Variants in TM9SF2 observed in about 807,000 individuals in gnomAD.
The protein encoded by TM9SF2 is transmembrane 9 superfamily member 2.
In TM9SF2, 13 loss-of-function variants were observed where a neutral mutation model predicts 84.9. The observed-to-expected ratio is 0.15, with a 90% CI of 0.10 to 0.24. TM9SF2 has a LOEUF of 0.24. TM9SF2 is among the 10% of genes least tolerant of loss of function. TM9SF2 has a pLI of 1.00. For missense variants in TM9SF2, 562 were observed against 818.5 expected (o/e 0.69, Z 3.82); for synonymous variants, 273 against 285.8 (o/e 0.96, Z 0.45).
intron 15 of TM9SF2, among the ~76,000 whole-genome samples, chr13:99,557,656 G>A (rs2046329796): frequency 2.0e-5 from 3 of 152,184 alleles, no homozygotes; most frequent in Middle Eastern, 3.4e-3. Flanking sequence ...AGGCTGAGGC[G>A]GGAGGATCGC....
rs1209335271 is a variant in TM9SF2 at position 99,501,680 on chromosome 13, G to A, written c.74G>A (p.Gly25Glu). Residue 25 changes from glycine (G) to glutamate (E), a missense_variant, in exon 1 of 17, where the codon GGG (glycine) becomes GAG (glutamate). Physicochemically the swap from Gly to Glu is moderately conservative, Grantham distance 98 (BLOSUM62 -2). This residue lies in a region of TM9SF2 where 267 missense variants were observed against 316.7 expected (regional missense o/e 0.84). Coordinates refer to ENST00000376387, the MANE Select transcript of TM9SF2 (RefSeq NM_004800.3). ...TTGCTGCTGTCGCTGCTCCTGCTGGGGGCGGTTCCTGGCCCGCGCCGGAGC... is the reference window on the plus strand; with the variant it reads ...TTGCTGCTGTCGCTGCTCCTGCTGGAGGCGGTTCCTGGCCCGCGCCGGAGC... ...RLLLLSLLLLGAVPGPRRSGA... is the reference protein window; with the variant it reads ...RLLLLSLLLLEAVPGPRRSGA... 4 of 1,613,240 alleles carry A rather than the reference G, an allele frequency of 2.5e-6. No homozygotes were observed. The highest frequency in any genetic ancestry group is 3.4e-6 in the Non-Finnish European group (4 of 1,179,804).
At chr13:99,554,826 C>T (rs183216436) in intron 14 of TM9SF2, among the ~76,000 whole-genome samples, 2 of 152,280 alleles carry the variant, frequency 1.3e-5, no homozygotes, top group African/African-American at 4.8e-5. Flanking sequence ...TTCTCCAAAC[C>T]TATGTTCCTA....
chr13:99,545,689 C>T (rs553822499), intron 10 of TM9SF2, among the ~76,000 whole-genome samples: 3 of 152,068 alleles, frequency 2.0e-5, no homozygotes, highest in Non-Finnish European at 4.4e-5. Flanking sequence ...GCCTCAGCCT[C>T]CTGAGTAGCT....
intron 9 of TM9SF2, among the ~76,000 whole-genome samples, chr13:99,543,472 G>A (rs544324772): frequency 6.6e-6 from 1 of 152,318 alleles, no homozygotes; most frequent in Non-Finnish European, 1.5e-5. Flanking sequence ...GCTAGAATAT[G>A]AGAGCTAATG....
At chr13:99,541,184 G>T (rs570528730) in intron 8 of TM9SF2, among the ~76,000 whole-genome samples, 1 of 152,114 alleles carries the variant, frequency 6.6e-6, no homozygotes, top group African/African-American at 2.4e-5. Flanking sequence ...TTTTCCTATT[G>T]CTGTCTGATC....
intron 3 of TM9SF2, among the ~76,000 whole-genome samples, chr13:99,526,863 G>A (rs1400193067): frequency 6.6e-6 from 1 of 152,096 alleles, no homozygotes; most frequent in Non-Finnish European, 1.5e-5. Flanking sequence ...AGGAGTAGGG[G>A]CGGTGTGGTC....
chr13:99,506,751 C>A (rs2046090226), intron 1 of TM9SF2, among the ~76,000 whole-genome samples: 1 of 152,136 alleles, frequency 6.6e-6, no homozygotes, highest in South Asian at 2.1e-4. Flanking sequence ...ACACCTCACA[C>A]CCCCAACACA....
chr13:99,538,807 G>T (rs1254385200), intron 6 of TM9SF2, among the ~76,000 whole-genome samples: 1 of 151,900 alleles, frequency 6.6e-6, no homozygotes, highest in Non-Finnish European at 1.5e-5. Context: ...GCTGAAGTGG[G>T]AGGATCACTT....
chr13:99,506,989 T>G (rs182798373), intron 1 of TM9SF2, among the ~76,000 whole-genome samples: 1 of 152,240 alleles, frequency 6.6e-6, no homozygotes, highest in African/African-American at 2.4e-5. Context: ...AATTTGTGAA[T>G]TTTTTCTCTT....
chr13:99,527,100 G>A (rs1175300971), intron 3 of TM9SF2, among the ~76,000 whole-genome samples: 1 of 152,142 alleles, frequency 6.6e-6, no homozygotes, highest in East Asian at 1.9e-4. Context: ...AGGGCATAGT[G>A]GAAGGGATTA....
chr13:99,512,711 C>G (rs1355802092), intron 1 of TM9SF2, among the ~76,000 whole-genome samples: 2 of 152,090 alleles, frequency 1.3e-5, no homozygotes, highest in Non-Finnish European at 2.9e-5. Context: ...TAGAAGGAGC[C>G]AATGAGTTTG....
At chr13:99,527,447 C>CTT in intron 3 of TM9SF2, among the ~76,000 whole-genome samples, 1 of 152,264 alleles carries the variant, frequency 6.6e-6, no homozygotes, top group South Asian at 2.1e-4. Context: ...GAGAAAGCCC[C>CTT]TTATAAAACC....
chr13:99,552,409 T>G (rs1410264504), intron 13 of TM9SF2, 83 bp downstream of exon 13: 4 of 1,325,140 alleles, frequency 3.0e-6, no homozygotes, highest in Non-Finnish European at 4.2e-6. Context: ...ACCATAAAAG[T>G]GTGTAAAGAT....
At chr13:99,536,865 A>C in intron 5 of TM9SF2, 128 bp downstream of exon 5, 1 of 987,818 alleles carries the variant, frequency 1.0e-6, no homozygotes, top group Non-Finnish European at 1.4e-6. Flanking sequence ...AAGTACAACT[A>C]CTTCAATCTT....
chr13:99,519,089 A>C (rs997149609), intron 2 of TM9SF2, among the ~76,000 whole-genome samples: 1 of 152,204 alleles, frequency 6.6e-6, no homozygotes, highest in African/African-American at 2.4e-5. Context: ...AGTTACGACT[A>C]TCCTAAAGAA....
rs758314160 is a variant in TM9SF2, at chr13:99,554,294, T to G, written c.1489-10T>G. 3 of 1,604,444 alleles carry G rather than the reference T, an allele frequency of 1.9e-6. No individual in the cohort carries two copies. The highest frequency in any genetic ancestry group is 1.3e-5 in the African/African-American group (1 of 74,570). On this transcript the variant is annotated splice_polypyrimidine_tract_variant and intron_variant, in intron 13 of 16. Coordinates refer to ENST00000376387, the MANE Select transcript of TM9SF2 (RefSeq NM_004800.3). The stretch of plus-strand genomic sequence containing the variant: ...TAATTATGAATTCTTCCTTCCTTTT[T>G]TTACTGAAGGCCATTGAACACCCAG...
chr13:99,520,782 CTGG>C (rs1433507321), intron 3 of TM9SF2, among the ~76,000 whole-genome samples: 1 of 152,168 alleles, frequency 6.6e-6, no homozygotes, highest in Non-Finnish European at 1.5e-5. Context: ...ATTGGTCAGG[CTGG>C]TCTCAAACTC....
At chr13:99,555,308 GT>G (rs1410220534) in intron 14 of TM9SF2, among the ~76,000 whole-genome samples, 1 of 152,136 alleles carries the variant, frequency 6.6e-6, no homozygotes, top group African/African-American at 2.4e-5. Context: ...ATAAGTAGAA[GT>G]TTCAGGCCTC....
Position 99,547,021 on chromosome 13 carries a change from G to C in TM9SF2, c.1187G>C (p.Arg396Pro). 6.2e-7 allele frequency: 1 copy of C among 1,614,152 alleles called. No homozygotes were observed. The highest frequency in any genetic ancestry group is 8.5e-7 in the Non-Finnish European group (1 of 1,180,034). Residue 396 changes from arginine to proline, a missense_variant, in exon 11 of 17, where the codon CGA becomes CCA. By Grantham distance (103) the Arg-to-Pro change is moderately radical. Coordinates refer to ENST00000376387, the MANE Select transcript of TM9SF2 (RefSeq NM_004800.3). ...ACLGFLSPAN[R>P]GALMTCAVVL... is the part of the protein sequence containing the mutation. Reference sequence around the variant, plus strand: ...CTGGGATTTTTGTCACCTGCCAACCGAGGAGCGCTGATGACGTGTGCTGTG... The same window carrying C: ...CTGGGATTTTTGTCACCTGCCAACCCAGGAGCGCTGATGACGTGTGCTGTG...
Sources: allele counts gnomAD v4.1 joint callset (sites outside exome capture counted in the v4.1 genomes callset), GRCh38; gene constraint gnomAD v4.1.1; regional missense constraint gnomAD v4.1.1; transcripts MANE v1.5; gene names NCBI Gene and HGNC (gene_info 2026-07-23, HGNC 2026-07-21).